The following CEP63 variants were observed in gnomAD, a reference collection of about 807,000 sequenced individuals.
The protein encoded by CEP63 is centrosomal protein 63.
Under a neutral mutation model 89.1 loss-of-function variants are expected in CEP63, and 84 were observed. The observed-to-expected ratio is 0.94, with a 90% confidence interval of 0.79 to 1.13. The LOEUF is 1.13. Ranked by LOEUF, CEP63 falls within the 50% of genes most tolerant of loss-of-function variation. The probability of loss-of-function intolerance (pLI) is 0.00; values close to 1 mark genes in which losing one functional copy is unlikely to be tolerated. For missense variants in CEP63, 838 were observed against 813.3 expected (o/e 1.03, Z -0.37); for synonymous variants, 267 against 272.5 (o/e 0.98, Z 0.20).
chr3:134,710,897 A>G, the CEP63 span, among the ~76,000 whole-genome samples: 1 of 151,372 alleles, frequency 6.6e-6, no homozygotes, highest in East Asian at 1.9e-4. Flanking sequence ...AATTTTTTGT[A>G]TTTTAGTAGA....
chr3:134,582,400 A>T (rs866647861), intron 10 of CEP63, among the ~76,000 whole-genome samples: 1 of 151,364 alleles, frequency 6.6e-6, no homozygotes, highest in Non-Finnish European at 1.5e-5. Context: ...CCTCTGTTCA[A>T]CTCCCACCCA....
At chr3:134,652,230 C>G in the CEP63 span, among the ~76,000 whole-genome samples, 1 of 152,096 alleles carries the variant, frequency 6.6e-6, no homozygotes, top group East Asian at 1.9e-4. Context: ...TGTAAGGCGC[C>G]TGGTGTATAG....
chr3:134,518,686 A>G (rs1358997455), intron 3 of CEP63, among the ~76,000 whole-genome samples: 3 of 152,168 alleles, frequency 2.0e-5, no homozygotes, highest in Admixed American at 1.3e-4. Flanking sequence ...TACATTTTAT[A>G]TACAGCTAAA....
chr3:134,531,276 G>A (rs1949797425), intron 3 of CEP63, among the ~76,000 whole-genome samples: 1 of 152,112 alleles, frequency 6.6e-6, no homozygotes, highest in Middle Eastern at 3.2e-3. Flanking sequence ...GGTTGAGTAG[G>A]ATAATCAGAC....
the CEP63 span, among the ~76,000 whole-genome samples, chr3:134,599,371 A>G: frequency 0.63 from 95,838 of 152,032 alleles, 30,720 homozygotes; most frequent in East Asian, 0.87. Context: ...CAGATTTGGG[A>G]ACACAAGTTC....
At chr3:134,712,342 A>T in the CEP63 span, among the ~76,000 whole-genome samples, 1 of 151,808 alleles carries the variant, frequency 6.6e-6, no homozygotes. Flanking sequence ...CAGATTTTAG[A>T]ACTCCTGAAT....
At chr3:134,646,957 G>A in the CEP63 span, among the ~76,000 whole-genome samples, 1 of 152,194 alleles carries the variant, frequency 6.6e-6, no homozygotes, top group African/African-American at 2.4e-5. Context: ...CTGGAAAAAA[G>A]AGGCTTTGGA....
the CEP63 span, among the ~76,000 whole-genome samples, chr3:134,618,002 T>G: frequency 6.6e-6 from 1 of 151,952 alleles, no homozygotes; most frequent in African/African-American, 2.4e-5. Context: ...TGCTTGGGTC[T>G]GGGGTAGGGG....
At chr3:134,706,491 G>A in the CEP63 span, among the ~76,000 whole-genome samples, 1 of 152,102 alleles carries the variant, frequency 6.6e-6, no homozygotes, top group East Asian at 1.9e-4. Flanking sequence ...CTGAGACTAG[G>A]AGGAGGTACC....
chr3:134,716,377 C>T, the CEP63 span, among the ~76,000 whole-genome samples: 1 of 152,222 alleles, frequency 6.6e-6, no homozygotes, highest in Non-Finnish European at 1.5e-5. Context: ...TGGTCTGGCT[C>T]TTTCTGACAT....
Position 134,561,468 on chromosome 3 carries a change from A to T in CEP63, c.2045A>T (p.Asp682Val). The T allele has an allele frequency of 6.2e-7, 1 of 1,614,052 alleles. No homozygotes were observed. The highest frequency in any genetic ancestry group is 8.5e-7 in the Non-Finnish European group (1 of 1,179,948). The change falls in exon 15 of 15, where the codon GAT (aspartate) becomes GTT (valine). Residue 682 changes from aspartate (D) to valine (V), a missense_variant. Asp to Val is a radical substitution (Grantham distance 152, BLOSUM62 -3). Coordinates refer to ENST00000675561, the MANE Select transcript of CEP63 (RefSeq NM_001353108.3). ...LRSHHILERL[D>V]AHIEELKRES... ...TCTCATCACATTCTAGAGCGCTTGG[A>T]TGCCCATATTGAAGAACTAAAAAGA...
At chr3:134,498,925 T>C (rs1181946855) in intron 2 of CEP63, among the ~76,000 whole-genome samples, 1 of 152,226 alleles carries the variant, frequency 6.6e-6, no homozygotes, top group African/African-American at 2.4e-5. Context: ...GTTCTGTTGT[T>C]GGATTTGGTT....
the CEP63 span, among the ~76,000 whole-genome samples, chr3:134,639,063 C>G: frequency 8.2e-6 from 1 of 121,320 alleles, no homozygotes; most frequent in South Asian, 2.7e-4. Flanking sequence ...TTTTTTTCTA[C>G]TTTGGAGTTT....
chr3:134,537,271 A>G lies in CEP63; in HGVS notation c.555+3A>G, dbSNP rs1950946098. 1.3e-6 allele frequency: 2 copies of G among 1,571,376 alleles called. No individual in the cohort carries two copies. Among genetic ancestry groups the G allele is most frequent in the East Asian group, 4.5e-5 (2 of 44,690 alleles). Reference sequence around the variant, plus strand: ...CTGAACAATCAGAGATAATTCAGGTAGGCCTAAGACTTTTTAAAATAATGA... The same window carrying G: ...CTGAACAATCAGAGATAATTCAGGTGGGCCTAAGACTTTTTAAAATAATGA... On this transcript the variant is annotated splice_donor_region_variant and intron_variant, in intron 6 of 14. Transcript: ENST00000675561.
chr3:134,525,014 GC>G (rs1948337577), intron 3 of CEP63, among the ~76,000 whole-genome samples: 1 of 151,994 alleles, frequency 6.6e-6, no homozygotes, highest in African/African-American at 2.4e-5. Context: ...CTGACCCTGG[GC>G]TTTTTTTGGT....
the CEP63 span, among the ~76,000 whole-genome samples, chr3:134,689,126 G>A: frequency 2.3e-4 from 35 of 151,930 alleles, no homozygotes; most frequent in South Asian, 6.9e-3. Context: ...ATCTCCTGTT[G>A]GCCTCATTTT....
In CEP63 at chr3:134,584,965, T is replaced by TGTTTTGTTTTG. The variant is rs1553799229; in HGVS notation, c.1207-2493_1207-2492insGTTTTGTTTTG. On this transcript the variant is annotated intron_variant, in intron 10 of 10. Transcript: ENST00000683931. ...TTCTAGATTTTCTAGGGTTTTTTTT[T>TGTTTTGTTTTG]TTTTTTTTTGCATGGAGGTGTTTAT... Among the ~76,000 whole-genome samples, 404 of 134,840 alleles carry TGTTTTGTTTTG rather than the reference T, an allele frequency of 3.0e-3. 21 individuals are homozygous for TGTTTTGTTTTG. The highest frequency in any genetic ancestry group is 0.011 in the Middle Eastern group (3 of 266). 88.5% of individuals were successfully genotyped at this position (134,840 alleles called of 152,430 possible).
the CEP63 span, among the ~76,000 whole-genome samples, chr3:134,703,512 A>G: frequency 6.6e-6 from 1 of 152,126 alleles, no homozygotes; most frequent in African/African-American, 2.4e-5. Flanking sequence ...ATCCTTAGTA[A>G]ACTAATGCAG....
chr3:134,540,790 AATTT>A (rs1223911287), intron 6 of CEP63, among the ~76,000 whole-genome samples: 1 of 88,350 alleles, frequency 1.1e-5, no homozygotes, highest in Non-Finnish European at 2.3e-5. Flanking sequence ...TTTAAATCTT[AATTT>A]ATTTTCTTTT....
Sources: gnomAD v4.1 joint callset for allele counts (sites outside exome capture counted in the v4.1 genomes callset) on GRCh38, gnomAD v4.1.1 for gene constraint, MANE v1.5 for transcripts, NCBI Gene and HGNC (gene_info 2026-07-23, HGNC 2026-07-21) for gene names.